The following PDHX variants were observed in gnomAD, a reference collection of about 807,000 sequenced individuals.
The protein encoded by PDHX is pyruvate dehydrogenase protein X component, mitochondrial.
A neutral mutation model predicts 55.3 loss-of-function variants in PDHX; 33 were observed. That is an observed-to-expected ratio of 0.60 (90% CI 0.45 to 0.80). PDHX has a LOEUF of 0.80. Ranked by LOEUF, PDHX falls within the 30% of genes least tolerant of loss-of-function variation. PDHX has a pLI of 0.00. For missense variants in PDHX, 622 were observed against 619.9 expected (o/e 1.00, Z -0.04); for synonymous variants, 226 against 219.4 (o/e 1.03, Z -0.27).
intron 4 of PDHX, among the ~76,000 whole-genome samples, chr11:34,958,150 A>T (rs1854945464): frequency 6.6e-6 from 1 of 152,162 alleles, no homozygotes; most frequent in Admixed American, 6.5e-5. Context: ...AAATTCTAAC[A>T]TTTCATTTAT....
rs1590721930 is a variant in PDHX at position 34,916,911 on chromosome 11, G to A, written c.160+96G>A. On this transcript the variant is annotated intron_variant, in intron 1 of 10. Coordinates refer to ENST00000227868, the MANE Select transcript of PDHX (RefSeq NM_003477.3). Reference sequence around the variant, plus strand: ...TTGAGGGCCTGCTTTTGGGTGTGAAGGTGCGCGGGCTCCTTATTCCCTTTC... The same window carrying A: ...TTGAGGGCCTGCTTTTGGGTGTGAAAGTGCGCGGGCTCCTTATTCCCTTTC... The A allele has an allele frequency of 4.2e-6, 5 of 1,204,044 alleles. No individual in the cohort carries two copies. The East Asian group carries it at 1.3e-4, about 31-fold the overall frequency. The allele number at this position is 1,204,044 out of a possible 1,614,324, so 74.6% of individuals were successfully genotyped here. A position where few individuals can be genotyped will look rare whatever the true frequency, so the allele number is the denominator to read the frequency against.
At chr11:34,978,011 T>C in intron 7 of PDHX, 113 bp from the exon 8 acceptor site, 2 of 693,046 alleles carry the variant, frequency 2.9e-6, no homozygotes, top group Non-Finnish European at 5.2e-6. Flanking sequence ...AAGCTTGTAA[T>C]TTTTTATCAT....
chr11:34,916,963 C>CT, intron 1 of PDHX, 148 bp downstream of exon 1: 1 of 844,462 alleles, frequency 1.2e-6, no homozygotes, highest in South Asian at 1.5e-5. Context: ...GGTCCGCCGA[C>CT]TTGGCCTAAT....
At chr11:34,947,658 A>C (rs777936865) in intron 3 of PDHX, 52 bp downstream of exon 3, 1 of 1,184,668 alleles carries the variant, frequency 8.4e-7, no homozygotes, top group South Asian at 1.2e-5. Context: ...CTTGAGTGGA[A>C]AGTTCATTGT....
intron 5 of PDHX, among the ~76,000 whole-genome samples, 185 bp downstream of exon 5, chr11:34,960,703 T>C (rs1337384585): frequency 6.6e-6 from 1 of 152,216 alleles, no homozygotes; most frequent in Non-Finnish European, 1.5e-5. Flanking sequence ...TTCTGAATAA[T>C]TATAGCATTA....
At chr11:34,951,049 CTTTTTTT>C (rs1179399887) in intron 3 of PDHX, among the ~76,000 whole-genome samples, 5 of 88,598 alleles carry the variant, frequency 5.6e-5, no homozygotes, top group South Asian at 3.7e-4. Context: ...TGTTTCCTGA[CTTTTTTT>C]TTTTTTTTTT....
chr11:34,918,549 C>T (rs1853800178), intron 1 of PDHX, among the ~76,000 whole-genome samples: 1 of 152,146 alleles, frequency 6.6e-6, no homozygotes, highest in Non-Finnish European at 1.5e-5. Context: ...TATTCCCTAT[C>T]CCCTAGACAT....
chr11:34,974,128 A>G (rs1278302579), intron 7 of PDHX, among the ~76,000 whole-genome samples: 1 of 152,186 alleles, frequency 6.6e-6, no homozygotes, highest in African/African-American at 2.4e-5. Context: ...CATCTGCAGA[A>G]CGTTTTTCAT....
At chr11:34,957,288 GA>G in intron 3 of PDHX, 95 bp from the exon 4 acceptor site, 3 of 878,552 alleles carry the variant, frequency 3.4e-6, no homozygotes, top group Non-Finnish European at 5.6e-6. Context: ...CTCAAATTAA[GA>G]TATCTTAAGG....
intron 1 of PDHX, among the ~76,000 whole-genome samples, chr11:34,921,943 C>A (rs746415239): frequency 2.0e-5 from 3 of 152,152 alleles, no homozygotes; most frequent in African/African-American, 7.2e-5. Context: ...CCAGGTTTCA[C>A]GGGAGAAGAA....
At chr11:34,975,170 G>A (rs12295452) in intron 7 of PDHX, among the ~76,000 whole-genome samples, 12,734 of 117,346 alleles carry the variant, frequency 0.11, 583 homozygotes, top group African/African-American at 0.16. Flanking sequence ...TTTTCCACCT[G>A]TCTGGTTGCT....
rs879842698 is a variant in PDHX at position 34,969,721 on chromosome 11, CCT to C, written c.817-407_817-406del. 8.9e-4 allele frequency among the ~76,000 whole-genome samples: 135 copies of C among 151,806 alleles called. 1 individual carries two copies. Among genetic ancestry groups the C allele is most frequent in the East Asian group, 1.2e-3 (6 of 5,170 alleles). ...GTATGTCTATGTCTGTCTTCTCTCT[CCT>C]CTCTCTCTCTGTGTATGTATGTACA... On this transcript the variant is annotated intron_variant, in intron 6 of 10. Coordinates refer to ENST00000227868, the MANE Select transcript of PDHX (RefSeq NM_003477.3).
intron 3 of PDHX, among the ~76,000 whole-genome samples, chr11:34,951,451 G>A (rs1279977435): frequency 1.2e-4 from 18 of 152,136 alleles, no homozygotes; most frequent in Non-Finnish European, 2.5e-4. Context: ...GGCCAGTGAT[G>A]ATGAGCATTT....
At position 34,957,522 on chromosome 11, in the gene PDHX, C is replaced by G. The variant is rs1024363505; in HGVS notation, c.481C>G (p.Pro161Ala). The G allele has an allele frequency of 6.2e-6, 10 of 1,613,914 alleles. No individual in the cohort carries two copies. Among genetic ancestry groups the G allele is most frequent in the Non-Finnish European group, 8.5e-6 (10 of 1,179,994 alleles). Residue 161 changes from proline to alanine, a missense_variant, in exon 4 of 11, where the codon CCC (proline) becomes GCC (alanine). Coordinates refer to ENST00000227868, the MANE Select transcript of PDHX (RefSeq NM_003477.3). ...PPVSKPSEPR[P>A]SPEPQISIPV... ...AGTTTCAAAACCTTCAGAGCCTCGCCCCTCACCAGAACCACAGATTTCCAT... is the reference window on the plus strand; with the variant it reads ...AGTTTCAAAACCTTCAGAGCCTCGCGCCTCACCAGAACCACAGATTTCCAT...
At chr11:34,936,356 A>G (rs1854309870) in intron 2 of PDHX, among the ~76,000 whole-genome samples, 1 of 152,172 alleles carries the variant, frequency 6.6e-6, no homozygotes, top group South Asian at 2.1e-4. Flanking sequence ...TGTGCTTCCC[A>G]TAATGACTAA....
At chr11:34,950,741 T>G (rs1171974306) in intron 3 of PDHX, among the ~76,000 whole-genome samples, 1 of 150,482 alleles carries the variant, frequency 6.6e-6, no homozygotes, top group East Asian at 1.9e-4. Context: ...TTCCATGGTG[T>G]ATATGTGCCA....
At chr11:34,983,627 A>G (rs553138613) in intron 8 of PDHX, among the ~76,000 whole-genome samples, 2,451 of 144,752 alleles carry the variant, frequency 0.017, 94 homozygotes, top group African/African-American at 0.066. Context: ...TTATACACCA[A>G]TAACAGACAA....
At chr11:34,950,385 A>G (rs1854728796) in intron 3 of PDHX, among the ~76,000 whole-genome samples, 1 of 149,788 alleles carries the variant, frequency 6.7e-6, no homozygotes, top group Admixed American at 6.7e-5. Flanking sequence ...TATTATTATT[A>G]TTATTATACT....
intron 7 of PDHX, among the ~76,000 whole-genome samples, chr11:34,972,232 AT>A (rs532006180): frequency 1.6e-3 from 225 of 143,140 alleles, no homozygotes; most frequent in Middle Eastern, 0.015. Context: ...TCTGTTCTTT[AT>A]TTTTTTTTTC....
Sources: allele counts gnomAD v4.1 joint callset (sites outside exome capture counted in the v4.1 genomes callset), GRCh38; gene constraint gnomAD v4.1.1; transcripts MANE v1.5; gene names NCBI Gene and HGNC (gene_info 2026-07-23, HGNC 2026-07-21).